Variants in RBFOX1 observed in about 807,000 individuals in gnomAD.
RBFOX1 encodes RNA binding protein fox-1 homolog 1.
Under a neutral mutation model 57.7 loss-of-function variants are expected in RBFOX1, and 8 were observed. The observed-to-expected ratio is 0.14, with a 90% CI of 0.08 to 0.25. The LOEUF is 0.25. RBFOX1 is among the 10% of genes least tolerant of loss of function. The probability of loss-of-function intolerance (pLI) is 1.00; values close to 1 mark genes in which losing one functional copy is unlikely to be tolerated. For missense variants in RBFOX1, 611 were observed against 548.5 expected, an observed-to-expected ratio of 1.11 and a Z score of -1.14; for synonymous variants, 326 against 222.4, an observed-to-expected ratio of 1.47 and a Z score of -4.15.
intron 1 of RBFOX1, among the ~76,000 whole-genome samples, chr16:5,284,421 T>A (rs546947998): frequency 3.5e-4 from 53 of 152,350 alleles, no homozygotes; most frequent in African/African-American, 1.3e-3. Context: ...TGTATTTTCA[T>A]GATGGTAGAT....
intron 1 of RBFOX1, among the ~76,000 whole-genome samples, chr16:6,126,501 T>C (rs569203362): frequency 6.6e-6 from 1 of 152,304 alleles, no homozygotes; most frequent in Admixed American, 6.5e-5. Flanking sequence ...AAGATAGTTA[T>C]GTAATATGCC....
intron 1 of RBFOX1, among the ~76,000 whole-genome samples, chr16:6,103,075 C>A (rs1442095117): frequency 2.0e-5 from 3 of 152,170 alleles, no homozygotes; most frequent in Non-Finnish European, 4.4e-5. Context: ...CGAAGTTGGA[C>A]ACTTGTTGGT....
At chr16:6,720,630 A>T (rs368308531) in intron 3 of RBFOX1, among the ~76,000 whole-genome samples, 4 of 151,984 alleles carry the variant, frequency 2.6e-5, no homozygotes, top group South Asian at 2.1e-4. Flanking sequence ...AGTTGGGGAG[A>T]AAGAGACGTG....
chr16:6,336,674 A>G (rs1407749557), intron 2 of RBFOX1, among the ~76,000 whole-genome samples: 1 of 152,122 alleles, frequency 6.6e-6, no homozygotes, highest in Non-Finnish European at 1.5e-5. Flanking sequence ...TCTGAAAGCC[A>G]TAAGATTCTG....
rs2083993453 is a variant in RBFOX1 at position 7,711,486 on chromosome 16, T to G, written c.*741T>G. 1 of 152,636 alleles carries G rather than the reference T, an allele frequency of 6.6e-6. No individual in the cohort carries two copies. The highest frequency in any genetic ancestry group is 1.5e-5 in the Non-Finnish European group (1 of 68,046). 9.5% of individuals were successfully genotyped at this position (152,636 alleles called of 1,614,324 possible). On this transcript the variant is annotated 3_prime_UTR_variant, in exon 16 of 16. Transcript: ENST00000550418. ...CACTAGTTAGGCCATCAACAAGCAT[T>G]CTTTTTATATTTCTTCCAGTATAAT... is the stretch of plus-strand genomic sequence containing the variant.
chr16:6,805,108 A>C (rs1003024307), intron 3 of RBFOX1, among the ~76,000 whole-genome samples: 3 of 152,144 alleles, frequency 2.0e-5, no homozygotes, highest in Admixed American at 6.5e-5. Flanking sequence ...TCACTGCAGC[A>C]TTACTCACAA....
chr16:5,778,256 T>A (rs577016429), intron 3 of RBFOX1, among the ~76,000 whole-genome samples: 93 of 152,136 alleles, frequency 6.1e-4, no homozygotes, highest in Non-Finnish European at 1.1e-3. Flanking sequence ...TTTCAAGGCA[T>A]TCCTTGGCAC....
chr16:6,122,207 T>C (rs1012091355), intron 1 of RBFOX1, among the ~76,000 whole-genome samples: 1 of 152,120 alleles, frequency 6.6e-6, no homozygotes, highest in Non-Finnish European at 1.5e-5. Flanking sequence ...TGCCTGGCCC[T>C]TTTTGTTATT....
At chr16:5,391,721 C>T (rs1235722981) in intron 1 of RBFOX1, among the ~76,000 whole-genome samples, 2 of 152,028 alleles carry the variant, frequency 1.3e-5, no homozygotes, top group African/African-American at 4.8e-5. Flanking sequence ...ATGTCATCTC[C>T]CTTCTGTATG....
intron 3 of RBFOX1, among the ~76,000 whole-genome samples, chr16:5,742,575 A>G (rs1044256320): frequency 1.3e-5 from 2 of 152,194 alleles, no homozygotes; most frequent in African/African-American, 4.8e-5. Flanking sequence ...GGCACATAGT[A>G]GATATCCACC....
At chr16:7,402,832 C>A (rs141656816) in intron 4 of RBFOX1, among the ~76,000 whole-genome samples, 1 of 152,160 alleles carries the variant, frequency 6.6e-6, no homozygotes, top group African/African-American at 2.4e-5. Context: ...TGTTATTTAT[C>A]TGAGGGCACC....
chr16:5,852,909 A>G (rs1356551992), intron 3 of RBFOX1, among the ~76,000 whole-genome samples: 1 of 152,156 alleles, frequency 6.6e-6, no homozygotes, highest in Non-Finnish European at 1.5e-5. Flanking sequence ...ATCCTGCAAG[A>G]CATTGCACTA....
intron 3 of RBFOX1, among the ~76,000 whole-genome samples, chr16:5,809,852 G>A (rs1046575385): frequency 6.6e-6 from 1 of 152,026 alleles, no homozygotes; most frequent in Non-Finnish European, 1.5e-5. Flanking sequence ...TATAAATCAC[G>A]CTGCTATAAA....
At chr16:6,994,462 A>G (rs1897208156) in intron 3 of RBFOX1, among the ~76,000 whole-genome samples, 4 of 152,212 alleles carry the variant, frequency 2.6e-5, no homozygotes, top group African/African-American at 4.8e-5. Flanking sequence ...TTTTAATGCC[A>G]TGCTAAGAAC....
At chr16:6,227,219 A>T (rs994760269) in intron 1 of RBFOX1, among the ~76,000 whole-genome samples, 1 of 152,160 alleles carries the variant, frequency 6.6e-6, no homozygotes, top group Non-Finnish European at 1.5e-5. Context: ...AGAGGTGAGC[A>T]TGAACCAGAA....
chr16:7,066,285 T>C (rs376745027), intron 4 of RBFOX1, among the ~76,000 whole-genome samples: 2 of 152,212 alleles, frequency 1.3e-5, no homozygotes, highest in East Asian at 3.9e-4. Context: ...ACATGGTACG[T>C]TACCTTGATG....
intron 2 of RBFOX1, among the ~76,000 whole-genome samples, chr16:6,623,632 C>G (rs538620858): frequency 1.4e-4 from 21 of 151,578 alleles, no homozygotes; most frequent in Non-Finnish European, 4.4e-5. Context: ...GTCTAATGTT[C>G]CCCTTCCTGT....
At chr16:5,692,217 G>C (rs190064499) in intron 3 of RBFOX1, among the ~76,000 whole-genome samples, 1 of 147,526 alleles carries the variant, frequency 6.8e-6, no homozygotes, top group African/African-American at 2.5e-5. Flanking sequence ...GTGTGTGTTT[G>C]TGTTTCACTG....
Position 6,924,791 on chromosome 16 carries a change from A to G in RBFOX1, c.-15-127266A>G, listed in dbSNP as rs531550586. On this transcript the variant is annotated intron_variant, in intron 3 of 15. Transcript: ENST00000550418. ...GGTGTGCTGCACCCATTAACTTGTCATTTAGCATTAGGTATATCTCCTAAT... is the reference window on the plus strand; with the variant it reads ...GGTGTGCTGCACCCATTAACTTGTCGTTTAGCATTAGGTATATCTCCTAAT... 6.6e-5 allele frequency among the ~76,000 whole-genome samples: 10 copies of G among 150,484 alleles called. No individual in the cohort carries two copies. The Middle Eastern group carries it at 0.017, about 261-fold the overall frequency.
Sources: gnomAD v4.1 joint callset for allele counts (sites outside exome capture counted in the v4.1 genomes callset) on GRCh38, gnomAD v4.1.1 for gene constraint, MANE v1.5 for transcripts, NCBI Gene and HGNC (gene_info 2026-07-23, HGNC 2026-07-21) for gene names.